The following EEF1AKMT3 variants were observed in gnomAD, a reference collection of about 807,000 sequenced individuals.
EEF1AKMT3 encodes eEF1A-KMT3.
Under a neutral mutation model 17.8 loss-of-function variants are expected in EEF1AKMT3, and 17 were observed. The ratio of observed to expected loss-of-function variants is 0.96; its 90% confidence interval spans 0.65 to 1.43. The LOEUF (loss-of-function observed/expected upper bound fraction) is 1.43, where lower values mean the gene tolerates loss of function less well. EEF1AKMT3 is among the 40% of genes most tolerant of loss of function. The pLI, the probability that EEF1AKMT3 is intolerant of heterozygous loss-of-function variation, is 0.00. For missense variants in EEF1AKMT3, 244 were observed against 285.8 expected (o/e 0.85, Z 1.06); for synonymous variants, 116 against 126.5 (o/e 0.92, Z 0.56).
chr12:57,772,888 G>T lies in EEF1AKMT3; in HGVS notation c.164G>T (p.Arg55Leu), dbSNP rs372020740. The change falls in exon 1 of 3, where the codon CGC (arginine) becomes CTC (leucine). Residue 55 changes from arginine to leucine, a missense_variant. Physicochemically the swap from Arg to Leu is moderately radical, Grantham distance 102. Coordinates refer to ENST00000300209, the MANE Select transcript of EEF1AKMT3 (RefSeq NM_015433.3). The surrounding 1 kb of genome is among the most constrained non-coding windows in gnomAD (Gnocchi z 4.1). ...GGGTCCCGCCTCGGGGTGGCGGCGC[G>T]CGTGTGGGACGCGGTGAGGAATGGG... The part of the protein sequence containing the change: ...NFGSRLGVAA[R>L]VWDAALSLCN... 1 of 1,614,082 alleles carries T rather than the reference G, an allele frequency of 6.2e-7. No individual in the cohort carries two copies. The highest frequency in any genetic ancestry group is 8.5e-7 in the Non-Finnish European group (1 of 1,179,960).
intron 2 of EEF1AKMT3, among the ~76,000 whole-genome samples, chr12:57,775,685 C>T (rs143199796): frequency 6.6e-6 from 1 of 152,214 alleles, no homozygotes; most frequent in Non-Finnish European, 1.5e-5. Flanking sequence ...GTTCAGGCCA[C>T]TGGCATCTCT....
At position 57,772,738 on chromosome 12, in the gene EEF1AKMT3, G is replaced by T; in HGVS notation, c.14G>T (p.Gly5Val). 1 of 1,613,376 alleles carries T rather than the reference G, an allele frequency of 6.2e-7. No homozygotes were observed. ...TTGGCGGGCCGGATGGCGGACCCCG[G>T]CCCAGATCCCGAATCTGAGTCGGAA... MADPGPDPESESESV... is the reference protein window; with the variant it reads MADPVPDPESESESV... The change falls in exon 1 of 3, where the codon GGC becomes GTC. Residue 5 changes from glycine to valine, a missense_variant. Transcript: ENST00000300209. This position sits in a 1 kb window ranked among gnomAD's most constrained non-coding sequence, Gnocchi z 4.1.
In EEF1AKMT3 at chr12:57,775,597, G is replaced by A. The variant is rs61938182; in HGVS notation, c.289+2469G>A. Reference sequence around the variant, plus strand: ...GAGTTTTGCCATGTTGGCCAGGCTGGTCGTGAACTCCTGGCCTCAAGTGAT... The same window carrying A: ...GAGTTTTGCCATGTTGGCCAGGCTGATCGTGAACTCCTGGCCTCAAGTGAT... On this transcript the variant is annotated intron_variant, in intron 2 of 2. Transcript: ENST00000300209. 3.1e-3 allele frequency among the ~76,000 whole-genome samples: 475 copies of A among 152,286 alleles called. 1 individual carries two copies. The highest frequency in any genetic ancestry group is 5.1e-3 in the Admixed American group (78 of 15,298).
In EEF1AKMT3 at chr12:57,772,769, G is replaced by C; in HGVS notation, c.45G>C (p.Val15=). 1 of 1,614,178 alleles carries C rather than the reference G, an allele frequency of 6.2e-7. No homozygotes were observed. The highest frequency in any genetic ancestry group is 8.5e-7 in the Non-Finnish European group (1 of 1,179,990). Residue 15 remains valine (V), a synonymous_variant, in exon 1 of 3, where the codon GTG becomes GTC. Transcript: ENST00000300209. The surrounding 1 kb of genome is among the most constrained non-coding windows in gnomAD (Gnocchi z 4.1). ...ATCCCGAATCTGAGTCGGAATCGGT[G>C]TTCCCGCGGGAGGTCGGGCTCTTTG... is the stretch of plus-strand genomic sequence containing the variant. ...GPDPESESES[V]FPREVGLFAD...
At chr12:57,779,379 G>C (rs909813240) in intron 2 of EEF1AKMT3, among the ~76,000 whole-genome samples, 1 of 152,024 alleles carries the variant, frequency 6.6e-6, no homozygotes, top group African/African-American at 2.4e-5. Flanking sequence ...CTCTGTGAGG[G>C]GGGATTCTTA....
chr12:57,779,493 T>C (rs1421167204), intron 2 of EEF1AKMT3, among the ~76,000 whole-genome samples: 1 of 152,260 alleles, frequency 6.6e-6, no homozygotes, highest in East Asian at 1.9e-4. Context: ...CTTTCTATCA[T>C]AGTCATCATG....
At chr12:57,780,164 A>C in intron 2 of EEF1AKMT3, 91 bp from the exon 3 acceptor site, 1 of 1,505,792 alleles carries the variant, frequency 6.6e-7, no homozygotes, top group African/African-American at 1.4e-5. Context: ...ATTGTCCTCT[A>C]TGCTCTGAGG....
intron 2 of EEF1AKMT3, 97 bp downstream of exon 2, chr12:57,773,225 G>A: frequency 8.3e-7 from 1 of 1,201,474 alleles, no homozygotes; most frequent in African/African-American, 1.5e-5. Context: ...AGAACTTTGG[G>A]CCCAGTCTAA....
Position 57,780,248 on chromosome 12 carries a change from C to T in EEF1AKMT3, c.290-7C>T. 6.2e-7 allele frequency: 1 copy of T among 1,609,360 alleles called. No homozygotes were observed. Among genetic ancestry groups the T allele is most frequent in the Non-Finnish European group, 8.5e-7 (1 of 1,178,912 alleles). On this transcript the variant is annotated splice_polypyrimidine_tract_variant and splice_region_variant and intron_variant, in intron 2 of 2. Coordinates refer to ENST00000300209, the MANE Select transcript of EEF1AKMT3 (RefSeq NM_015433.3). ...GACTTGCATTTTTCCTCCTTCCTCT[C>T]TCTCAGGGGGGGATGTTACCATCAC...
In EEF1AKMT3 at chr12:57,774,463, A is replaced by G. The variant is rs142466802; in HGVS notation, c.289+1335A>G. Among the ~76,000 whole-genome samples, 281 of 152,324 alleles carry G rather than the reference A, an allele frequency of 1.8e-3. 4 individuals are homozygous for G. Among genetic ancestry groups the G allele is most frequent in the African/African-American group, 6.5e-3 (272 of 41,582 alleles). On this transcript the variant is annotated intron_variant, in intron 2 of 2. Coordinates refer to ENST00000300209, the MANE Select transcript of EEF1AKMT3 (RefSeq NM_015433.3). Reference sequence around the variant, plus strand: ...CCATTGCACTCCAGCCTGGGCAACAAGAGTGAAACTCTGTCTCAAAAATAA... The same window carrying G: ...CCATTGCACTCCAGCCTGGGCAACAGGAGTGAAACTCTGTCTCAAAAATAA...
Position 57,780,330 on chromosome 12 carries a change from C to G in EEF1AKMT3, c.365C>G (p.Ala122Gly). ...GGCAACGTCCAGGCCAATGTGCCAG[C>G]TGGAGGCCAGGCCCAGGTGCGTGCC... is the stretch of plus-strand genomic sequence containing the variant. ...IQGNVQANVPAGGQAQVRALS... is the reference protein window; with the variant it reads ...IQGNVQANVPGGGQAQVRALS... The change falls in exon 3 of 3, where the codon GCT becomes GGT. Residue 122 changes from alanine to glycine, a missense_variant. By Grantham distance (60) the Ala-to-Gly change is moderately conservative. Transcript: ENST00000300209. 6.2e-7 allele frequency: 1 copy of G among 1,614,188 alleles called. No individual in the cohort carries two copies. The highest frequency in any genetic ancestry group is 8.5e-7 in the Non-Finnish European group (1 of 1,180,036).
In EEF1AKMT3 at chr12:57,773,176, G is replaced by A. The variant is rs376291368; in HGVS notation, c.289+48G>A. On this transcript the variant is annotated intron_variant, in intron 2 of 2. Transcript: ENST00000300209. ...GGAGAGAGTGGGGACCCAGGGGCGCGGAGAAATGGTCACTTCGTGGATCTT... is the reference window on the plus strand; with the variant it reads ...GGAGAGAGTGGGGACCCAGGGGCGCAGAGAAATGGTCACTTCGTGGATCTT... 13 of 1,563,764 alleles carry A rather than the reference G, an allele frequency of 8.3e-6. No homozygotes were observed. In the African/African-American group the frequency reaches 1.2e-4, roughly 15 times the overall value.
chr12:57,781,909 C>T lies in EEF1AKMT3; in HGVS notation c.*1263C>T, dbSNP rs1158295350. The T allele has an allele frequency of 2.0e-5, 3 of 152,220 alleles. No individual in the cohort carries two copies. The highest frequency in any genetic ancestry group is 2.0e-4 in the Admixed American group (3 of 15,266). 9.4% of individuals were successfully genotyped at this position (152,220 alleles called of 1,614,324 possible). ...AATTAGCTCTGATTAGCTTTCACTT[C>T]CTGTAGAAGCAAGAACAAGCTCCTC... On this transcript the variant is annotated 3_prime_UTR_variant, in exon 3 of 3. Coordinates refer to ENST00000300209, the MANE Select transcript of EEF1AKMT3 (RefSeq NM_015433.3).
At position 57,772,710 on chromosome 12, in the gene EEF1AKMT3, C is replaced by G. The variant is rs778867265; in HGVS notation, c.-15C>G. ...GCGCCGGCCGCGGTGCCCAGGCACT[C>G]CCTTGGCGGGCCGGATGGCGGACCC... On this transcript the variant is annotated 5_prime_UTR_variant, in exon 1 of 3. Transcript: ENST00000300209. The surrounding 1 kb of genome is among the most constrained non-coding windows in gnomAD (Gnocchi z 4.1). 12 of 1,609,590 alleles carry G rather than the reference C, an allele frequency of 7.5e-6. No homozygotes were observed. Among genetic ancestry groups the G allele is most frequent in the Non-Finnish European group, 1.0e-5 (12 of 1,177,630 alleles).
At chr12:57,773,761 TA>T (rs1249145239) in intron 2 of EEF1AKMT3, among the ~76,000 whole-genome samples, 2 of 152,204 alleles carry the variant, frequency 1.3e-5, no homozygotes, top group Non-Finnish European at 2.9e-5. Flanking sequence ...TACTGTCACT[TA>T]AAAGCGCCTT....
Position 57,781,558 on chromosome 12 carries a change from T to C in EEF1AKMT3, c.*912T>C, listed in dbSNP as rs1955515464. The C allele has an allele frequency of 1.3e-5, 1 of 74,778 alleles. No homozygotes were observed. Among genetic ancestry groups the C allele is most frequent in the Non-Finnish European group, 3.7e-5 (1 of 27,082 alleles). 4.6% of individuals were successfully genotyped at this position (74,778 alleles called of 1,614,324 possible). A position where few individuals can be genotyped will look rare whatever the true frequency, so the allele number is the denominator to read the frequency against. ...AAGCTAAGGCTGCAGAGCTGTCCTT[T>C]GGACTGTATTTCTTCATGCTTTCCA... On this transcript the variant is annotated 3_prime_UTR_variant, in exon 3 of 3. Transcript: ENST00000300209.
chr12:57,774,444 C>T (rs772603511), intron 2 of EEF1AKMT3, among the ~76,000 whole-genome samples: 1 of 152,192 alleles, frequency 6.6e-6, no homozygotes, highest in Non-Finnish European at 1.5e-5. Context: ...CGCACCATTG[C>T]ACTCCAGCCT....
chr12:57,776,322 A>G (rs1030484826), intron 2 of EEF1AKMT3, among the ~76,000 whole-genome samples: 1 of 152,062 alleles, frequency 6.6e-6, no homozygotes, highest in Non-Finnish European at 1.5e-5. Context: ...ACTTTTTACC[A>G]TCTGCTTAAT....
chr12:57,780,439 C>G lies in EEF1AKMT3; in HGVS notation c.474C>G (p.Thr158=). 6.2e-7 allele frequency: 1 copy of G among 1,614,208 alleles called. No homozygotes were observed. Among genetic ancestry groups the G allele is most frequent in the South Asian group, 1.1e-5 (1 of 91,082 alleles). Residue 158 remains threonine, a synonymous_variant, in exon 3 of 3, where the codon ACC becomes ACG. Transcript: ENST00000300209. ...LGADIVYLEP[T]FPLLLGTLQH... ...CTGATATCGTGTACCTGGAACCCAC[C>G]TTCCCTCTGCTGCTGGGGACCCTCC...
Sources: allele counts gnomAD v4.1 joint callset (sites outside exome capture counted in the v4.1 genomes callset), GRCh38; gene constraint gnomAD v4.1.1; non-coding constraint Gnocchi (gnomAD v3.1); transcripts MANE v1.5; gene names NCBI Gene and HGNC (gene_info 2026-07-23, HGNC 2026-07-21).